LRRTM4: variants seen among roughly 807,000 people sequenced by gnomAD.
LRRTM4 encodes the protein leucine rich repeat transmembrane neuronal 4, also known as leucine-rich repeat transmembrane neuronal protein 4.
In LRRTM4, 25 loss-of-function variants were observed where a neutral mutation model predicts 47.6. That is an observed-to-expected ratio of 0.53 (90% CI 0.38 to 0.73). LRRTM4 has a LOEUF of 0.73. Among genes scored for constraint, LRRTM4 ranks in the 30% least tolerant of loss-of-function variants. The pLI is 0.00. For missense variants in LRRTM4, 638 were observed against 713.4 expected (o/e 0.89, Z 1.20); for synonymous variants, 311 against 269.5 (o/e 1.15, Z -1.51).
At chr2:77,226,409 T>C (rs897754273) in intron 3 of LRRTM4, among the ~76,000 whole-genome samples, 2 of 151,690 alleles carry the variant, frequency 1.3e-5, no homozygotes, top group African/African-American at 4.8e-5. Context: ...CATAGAAATA[T>C]ATAAAGGTCC....
chr2:76,881,427 C>T (rs565944062), intron 3 of LRRTM4, among the ~76,000 whole-genome samples: 1 of 149,574 alleles, frequency 6.7e-6, no homozygotes, highest in Non-Finnish European at 1.5e-5. Flanking sequence ...CTGCTATTAC[C>T]TAAGAATAAG....
At chr2:77,258,669 G>A (rs1445388613) in intron 3 of LRRTM4, among the ~76,000 whole-genome samples, 1 of 151,602 alleles carries the variant, frequency 6.6e-6, no homozygotes, top group Non-Finnish European at 1.5e-5. Context: ...TTTTTGTTAT[G>A]GTTAAATTAT....
chr2:76,908,542 G>A (rs1392890753), intron 3 of LRRTM4, among the ~76,000 whole-genome samples: 1 of 151,964 alleles, frequency 6.6e-6, no homozygotes, highest in East Asian at 1.9e-4. Context: ...AAGAAAAGAG[G>A]AAGTCAAAGT....
chr2:76,817,389 A>G (rs1050542863), intron 3 of LRRTM4, among the ~76,000 whole-genome samples: 8 of 152,032 alleles, frequency 5.3e-5, no homozygotes, highest in African/African-American at 1.4e-4. Flanking sequence ...AGACAAAACA[A>G]TGAAACCTGT....
At chr2:77,325,855 C>A (rs1173935000) in intron 3 of LRRTM4, among the ~76,000 whole-genome samples, 1 of 152,156 alleles carries the variant, frequency 6.6e-6, no homozygotes, top group Non-Finnish European at 1.5e-5. Flanking sequence ...TCATAGTTTG[C>A]TTCTGAAGAG....
chr2:77,429,404 T>C (rs1415765517), intron 3 of LRRTM4, among the ~76,000 whole-genome samples: 1 of 152,092 alleles, frequency 6.6e-6, no homozygotes, highest in African/African-American at 2.4e-5. Flanking sequence ...TGCACTCCCA[T>C]GATTTTGCAG....
At position 77,027,341 on chromosome 2, in the gene LRRTM4, T is replaced by C. The variant is rs1167118761; in HGVS notation, c.1552-278425A>G. On this transcript the variant is annotated intron_variant, in intron 3 of 3. Transcript: ENST00000409884. ...GAGATGAATTAAATAAAAAAAGAAC[T>C]CATAAATGCTTTTTAAAATAGCCTA... Among the ~76,000 whole-genome samples the C allele has an allele frequency of 2.0e-5, 3 of 152,162 alleles. No homozygotes were observed. The East Asian group carries it at 5.8e-4, about 29-fold the overall frequency.
At chr2:77,175,703 T>C (rs1033380340) in intron 3 of LRRTM4, among the ~76,000 whole-genome samples, 14 of 152,154 alleles carry the variant, frequency 9.2e-5, no homozygotes, top group African/African-American at 3.1e-4. Context: ...TCCACCATCA[T>C]GATAGCCCCT....
intron 3 of LRRTM4, among the ~76,000 whole-genome samples, chr2:77,462,530 T>G (rs1676828299): frequency 6.6e-6 from 1 of 151,958 alleles, no homozygotes; most frequent in Non-Finnish European, 1.5e-5. Context: ...TTAATAAACC[T>G]CCTGCTATGA....
At chr2:76,834,166 T>C (rs1250769263) in intron 3 of LRRTM4, among the ~76,000 whole-genome samples, 1 of 151,228 alleles carries the variant, frequency 6.6e-6, no homozygotes, top group Non-Finnish European at 1.5e-5. Flanking sequence ...TCAGTCTCCC[T>C]AATGGCTGGG....
chr2:76,827,589 A>G (rs961132264), intron 3 of LRRTM4, among the ~76,000 whole-genome samples: 1 of 151,884 alleles, frequency 6.6e-6, no homozygotes, highest in Non-Finnish European at 1.5e-5. Context: ...TTCTTATCTG[A>G]TTCTGAGAAT....
At chr2:77,274,852 T>C (rs1333182746) in intron 3 of LRRTM4, among the ~76,000 whole-genome samples, 1 of 152,132 alleles carries the variant, frequency 6.6e-6, no homozygotes, top group Non-Finnish European at 1.5e-5. Flanking sequence ...CCAGATATTT[T>C]GACAGAATGT....
In LRRTM4 at chr2:77,082,013, G is replaced by T. The variant is rs552423158; in HGVS notation, c.1552-333097C>A. Among the ~76,000 whole-genome samples, 28 of 152,170 alleles carry T rather than the reference G, an allele frequency of 1.8e-4. No individual in the cohort carries two copies. In the East Asian group the frequency reaches 4.1e-3, roughly 22 times the overall value. On this transcript the variant is annotated intron_variant, in intron 3 of 3. Transcript: ENST00000409884. ...TACAATCCATACATATTATTTGAAA[G>T]ATTTAGCATTACCTAGTTTAGTAGC...
At chr2:76,960,333 A>T (rs1675813226) in intron 3 of LRRTM4, among the ~76,000 whole-genome samples, 1 of 151,698 alleles carries the variant, frequency 6.6e-6, no homozygotes, top group African/African-American at 2.4e-5. Context: ...AATTACATGC[A>T]TTTTTTATTT....
intron 3 of LRRTM4, among the ~76,000 whole-genome samples, chr2:77,105,548 T>C (rs1305706153): frequency 6.7e-6 from 1 of 150,206 alleles, no homozygotes; most frequent in African/African-American, 2.4e-5. Context: ...TTTGGAGATA[T>C]ACCTAATGTT....
intron 3 of LRRTM4, among the ~76,000 whole-genome samples, chr2:77,440,406 T>C (rs1420324131): frequency 6.6e-6 from 1 of 151,640 alleles, no homozygotes; most frequent in African/African-American, 2.4e-5. Flanking sequence ...AGAGTGAGAC[T>C]CCGCCTCAAA....
At chr2:77,278,193 A>G (rs1401147562) in intron 3 of LRRTM4, among the ~76,000 whole-genome samples, 1 of 151,924 alleles carries the variant, frequency 6.6e-6, no homozygotes, top group African/African-American at 2.4e-5. Context: ...TTTAATCAAC[A>G]ATGTCACCAT....
intron 3 of LRRTM4, among the ~76,000 whole-genome samples, chr2:76,944,318 A>T (rs917856536): frequency 6.6e-6 from 1 of 152,056 alleles, no homozygotes; most frequent in African/African-American, 2.4e-5. Flanking sequence ...AATCTGTATA[A>T]AATTTTTTCT....
In LRRTM4 at chr2:76,806,506, A is replaced by G. The variant is rs542085316; in HGVS notation, c.1552-57590T>C. Among the ~76,000 whole-genome samples the G allele has an allele frequency of 4.4e-3, 671 of 152,292 alleles. 6 individuals carry two copies. The highest frequency in any genetic ancestry group is 4.6e-3 in the Non-Finnish European group (314 of 68,020). ...TGATGAAGGAGAATTTCTTGAACCC[A>G]GCTGGCGGAGGTTGCAATGAGCCAA... is the stretch of plus-strand genomic sequence containing the variant. On this transcript the variant is annotated intron_variant, in intron 3 of 3. Coordinates refer to ENST00000409884, the MANE Select transcript of LRRTM4 (RefSeq NM_001134745.3).
Sources: gnomAD v4.1 joint callset for allele counts (sites outside exome capture counted in the v4.1 genomes callset) on GRCh38, gnomAD v4.1.1 for gene constraint, MANE v1.5 for transcripts, NCBI Gene and HGNC (gene_info 2026-07-23, HGNC 2026-07-21) for gene names.